Variants in COMMD5 observed in about 807,000 individuals in gnomAD.
COMMD5 encodes the protein COMM domain-containing protein 5.
In COMMD5, 10 loss-of-function variants were observed where a neutral mutation model predicts 6.9. That is an observed-to-expected ratio of 1.44 (90% CI 0.89 to 2.45). COMMD5 has a LOEUF of 2.45. Among genes scored for constraint, COMMD5 ranks in the 30% most tolerant of loss-of-function variants. The probability of loss-of-function intolerance (pLI) is 0.00; values close to 1 mark genes in which losing one functional copy is unlikely to be tolerated. For synonymous variants in COMMD5, 127 were observed against 125.3 expected, an observed-to-expected ratio of 1.01 and a Z score of -0.09; for missense variants, 234 against 287.8, an observed-to-expected ratio of 0.81 and a Z score of 1.35.
chr8:144,841,559 AC>A, exon 2 of COMMD5: 1 of 1,614,038 alleles, frequency 6.2e-7, no homozygotes, highest in Non-Finnish European at 8.5e-7. Flanking sequence ...TTCCAAAATA[AC>A]TGTTTGAATG....
chr8:144,850,560 C>G lies in COMMD5; in HGVS notation c.*104G>C. ...TTCAAACACTCACTGAAGAGCCTGC[C>G]TCATGGGAAGGGCAGGGCTGTCGTG... On this transcript the variant is annotated 3_prime_UTR_variant, in exon 2 of 2. Coordinates refer to ENST00000305103, the MANE Select transcript of COMMD5 (RefSeq NM_014066.4). This position sits in a 1 kb window ranked among gnomAD's most constrained non-coding sequence, Gnocchi z 4.0. The G allele has an allele frequency of 8.1e-7, 1 of 1,242,230 alleles. No individual in the cohort carries two copies. The highest frequency in any genetic ancestry group is 2.5e-5 in the East Asian group (1 of 40,422). The allele number at this position is 1,242,230 out of a possible 1,614,324, so 77.0% of individuals were successfully genotyped here. A position where few individuals can be genotyped will look rare whatever the true frequency, so the allele number is the denominator to read the frequency against.
downstream of COMMD5, chr8:144,838,907 A>G (rs1443116515): frequency 3.5e-5 from 5 of 143,732 alleles, no homozygotes; most frequent in Non-Finnish European, 5.9e-5. Flanking sequence ...GCGCTACTGC[A>G]CTCCAGCCTG....
Position 144,850,704 on chromosome 8 carries a change from G to A in COMMD5, c.635C>T (p.Ala212Val). ...YSVALVLKEM[A>V]DLEKRCERRL... ...GCGCTCACACCTCTTCTCCAGATCT[G>A]CCATCTCCTTTAGGACCAGGGCCAC... is the stretch of plus-strand genomic sequence containing the variant. Residue 212 changes from alanine to valine, a missense_variant, in exon 2 of 2, where the codon GCA (alanine) becomes GTA (valine). By Grantham distance (64) the Ala-to-Val change is moderately conservative. Coordinates refer to ENST00000305103, the MANE Select transcript of COMMD5 (RefSeq NM_014066.4). The surrounding 1 kb of genome is among the most constrained non-coding windows in gnomAD (Gnocchi z 4.0). The A allele has an allele frequency of 6.2e-7, 1 of 1,613,994 alleles. No homozygotes were observed. The highest frequency in any genetic ancestry group is 2.2e-5 in the East Asian group (1 of 44,874).
chr8:144,845,051 C>A (rs575258616), intron 1 of COMMD5, among the ~76,000 whole-genome samples: 1 of 152,084 alleles, frequency 6.6e-6, no homozygotes, highest in East Asian at 1.9e-4. Flanking sequence ...GGGAGGAGAA[C>A]CCCAATTGCC....
chr8:144,841,056 C>T (rs1829837253), exon 2 of COMMD5: 1 of 328,210 alleles, frequency 3.0e-6, no homozygotes, highest in Non-Finnish European at 5.6e-6. Flanking sequence ...TCTCCTTTGC[C>T]TCTGCATGGA....
At chr8:144,845,430 T>A (rs1459664630), downstream of COMMD5, among the ~76,000 whole-genome samples, 1 of 151,832 alleles carries the variant, frequency 6.6e-6, no homozygotes, top group Non-Finnish European at 1.5e-5. Context: ...GTGGCCCAGG[T>A]GGAGCACGGT....
chr8:144,842,619 A>T, intron 1 of COMMD5: 1 of 1,614,254 alleles, frequency 6.2e-7, no homozygotes, highest in Non-Finnish European at 8.5e-7. Flanking sequence ...ACTGTGGAAA[A>T]GCCTTCAGTC....
At chr8:144,842,110 G>C in intron 1 of COMMD5, 1 of 1,614,054 alleles carries the variant, frequency 6.2e-7, no homozygotes, top group Non-Finnish European at 8.5e-7. Context: ...GAGGCCCTAT[G>C]GTTGTCGTGA....
At position 144,850,918 on chromosome 8, in the gene COMMD5, C is replaced by G. The variant is rs1245749454; in HGVS notation, c.421G>C (p.Val141Leu). Residue 141 changes from valine (V) to leucine (L), a missense_variant, in exon 2 of 2, where the codon GTG becomes CTG. By Grantham distance (32) the Val-to-Leu change is conservative. Transcript: ENST00000305103. This position sits in a 1 kb window ranked among gnomAD's most constrained non-coding sequence, Gnocchi z 4.0. The part of the protein sequence containing the change: ...FGSQRPLLDS[V>L]AQQQGAWLPH... The stretch of plus-strand genomic sequence containing the variant: ...AGCCAGGCCCCCTGCTGCTGGGCCA[C>G]AGAATCAAGGAGGGGCCGCTGGCTC... The G allele has an allele frequency of 6.2e-7, 1 of 1,608,408 alleles. No individual in the cohort carries two copies. Among genetic ancestry groups the G allele is most frequent in the South Asian group, 1.1e-5 (1 of 90,452 alleles).
downstream of COMMD5, among the ~76,000 whole-genome samples, chr8:144,839,963 G>T (rs549644852): frequency 1.1e-4 from 16 of 152,238 alleles, no homozygotes; most frequent in South Asian, 2.7e-3. Context: ...TTTTGAGATG[G>T]AGTCTTTGTT....
exon 2 of COMMD5, chr8:144,841,422 T>A: frequency 6.2e-7 from 1 of 1,614,206 alleles, no homozygotes. Context: ...CAGAATCCTA[T>A]GGGACAGTGG....
chr8:144,841,834 A>G, intron 1 of COMMD5: 1 of 1,614,202 alleles, frequency 6.2e-7, no homozygotes, highest in Non-Finnish European at 8.5e-7. Flanking sequence ...ACATACAAAT[A>G]ACTGCCATGG....
rs1195630899 is a variant in COMMD5 at position 144,844,546 on chromosome 8, TAA to T, written c.*117-2805_*117-2804del. Among the ~76,000 whole-genome samples, 4 of 150,904 alleles carry T rather than the reference TAA, an allele frequency of 2.7e-5. No individual in the cohort carries two copies. In the East Asian group the frequency reaches 7.8e-4, roughly 29 times the overall value. ...TAACACAGTGAAACCCCGTGTCTACTAAAAATACAAAAAATTAGCCGGGCGTG... is the reference window on the plus strand; with the variant it reads ...TAACACAGTGAAACCCCGTGTCTACTAAATACAAAAAATTAGCCGGGCGTG... On this transcript the variant is annotated intron_variant and NMD_transcript_variant, in intron 1 of 1. Coordinates refer to the COMMD5 transcript ENST00000530332.
intron 1 of COMMD5, chr8:144,843,421 T>C: frequency 3.0e-6 from 1 of 329,780 alleles, no homozygotes. Flanking sequence ...ACCCCATCTC[T>C]ACTAAAAATA....
chr8:144,841,912 CAG>C, intron 1 of COMMD5: 1 of 1,614,174 alleles, frequency 6.2e-7, no homozygotes, highest in Non-Finnish European at 8.5e-7. Flanking sequence ...TAATCAGCAT[CAG>C]AGAATCCACA....
chr8:144,842,796 T>C, intron 1 of COMMD5: 1 of 1,614,142 alleles, frequency 6.2e-7, no homozygotes, highest in Non-Finnish European at 8.5e-7. Context: ...AAGCCTTCAG[T>C]CAAAACTCAA....
chr8:144,842,493 T>C (rs769065860), intron 1 of COMMD5: 2 of 1,614,132 alleles, frequency 1.2e-6, no homozygotes, highest in South Asian at 1.1e-5. Context: ...ATCAGAGAAC[T>C]CACACTGGAG....
intron 1 of COMMD5, chr8:144,843,355 C>G: frequency 1.6e-6 from 1 of 630,776 alleles, no homozygotes; most frequent in East Asian, 3.1e-5. Context: ...TTTGGGAGGC[C>G]AAGGCGGGCA....
chr8:144,852,210 AAAG>A (rs1326025636), intron 1 of COMMD5, among the ~76,000 whole-genome samples: 4 of 152,064 alleles, frequency 2.6e-5, no homozygotes, highest in Non-Finnish European at 5.9e-5. Flanking sequence ...AGAAAAGTAA[AAAG>A]AAATCAAAGC....
Sources: allele counts gnomAD v4.1 joint callset (sites outside exome capture counted in the v4.1 genomes callset), GRCh38; gene constraint gnomAD v4.1.1; non-coding constraint Gnocchi (gnomAD v3.1); transcripts MANE v1.5; gene names NCBI Gene and HGNC (gene_info 2026-07-23, HGNC 2026-07-21).